The following SLC16A2 variants were observed in gnomAD, a reference collection of about 807,000 sequenced individuals.
SLC16A2 encodes the protein monocarboxylate transporter 8.
SLC16A2 carries 3 observed loss-of-function variants against 27.2 expected under a neutral mutation model. The observed-to-expected ratio is 0.11, with a 90% CI of 0.05 to 0.28. SLC16A2 has a LOEUF of 0.28. Ranked by LOEUF, SLC16A2 falls within the 10% of genes least tolerant of loss-of-function variation. The probability of loss-of-function intolerance (pLI) is 1.00; values close to 1 mark genes in which losing one functional copy is unlikely to be tolerated. For missense variants in SLC16A2, 295 were observed against 458.5 expected, an observed-to-expected ratio of 0.64 and a Z score of 3.26; for synonymous variants, 202 against 187.8, an observed-to-expected ratio of 1.08 and a Z score of -0.62.
At chrX:74,440,454 T>C (rs951402618) in intron 1 of SLC16A2, among the ~76,000 whole-genome samples, 1 of 108,426 alleles carries the variant, frequency 9.2e-6, no homozygotes, top group African/African-American at 3.4e-5. Context: ...CAGTAGAGAG[T>C]AGGGCAGGGA....
At chrX:74,477,508 C>G (rs1002254996) in intron 1 of SLC16A2, among the ~76,000 whole-genome samples, 1 of 111,519 alleles carries the variant, frequency 9.0e-6, no homozygotes, top group Non-Finnish European at 1.9e-5. Context: ...TTAGTTATAT[C>G]TTGCCTTCTG....
intron 1 of SLC16A2, among the ~76,000 whole-genome samples, chrX:74,439,622 C>G (rs1367835620): frequency 9.3e-6 from 1 of 107,909 alleles, no homozygotes; most frequent in Non-Finnish European, 1.9e-5. Context: ...CTTTCTCTCT[C>G]TCTCTTTTCC....
intron 1 of SLC16A2, among the ~76,000 whole-genome samples, chrX:74,472,754 A>G (rs1193598217): frequency 2.8e-5 from 3 of 106,649 alleles, no homozygotes; most frequent in Non-Finnish European, 5.8e-5. Flanking sequence ...AAAAAAAAAA[A>G]CAACCTACAT....
chrX:74,448,879 A>G (rs1294067026), intron 1 of SLC16A2, among the ~76,000 whole-genome samples: 1 of 111,085 alleles, frequency 9.0e-6, no homozygotes, highest in Non-Finnish European at 1.9e-5. Context: ...ACATGCTTTG[A>G]AAAATGCCTC....
chrX:74,443,578 G>A (rs917059811), intron 1 of SLC16A2, among the ~76,000 whole-genome samples: 2 of 112,454 alleles, frequency 1.8e-5, no homozygotes, highest in Non-Finnish European at 1.9e-5. Context: ...GGTACTTTCT[G>A]TAACAGTATC....
intron 4 of SLC16A2, among the ~76,000 whole-genome samples, chrX:74,527,779 C>A (rs1930507744): frequency 8.9e-6 from 1 of 112,433 alleles, no homozygotes; most frequent in Admixed American, 9.4e-5. Context: ...AATACTTAGA[C>A]CTGATTAAAA....
chrX:74,483,674 G>A (rs1929665086), intron 1 of SLC16A2, among the ~76,000 whole-genome samples: 1 of 111,721 alleles, frequency 9.0e-6, no homozygotes, highest in Admixed American at 9.4e-5. Context: ...TAGAGGTAGG[G>A]AGAGAAGCTT....
chrX:74,472,670 C>CT (rs1345395525), intron 1 of SLC16A2, among the ~76,000 whole-genome samples: 35 of 105,582 alleles, frequency 3.3e-4, no homozygotes, highest in South Asian at 4.2e-4. Context: ...CTTCTTTCTT[C>CT]TTTTTTTTTA....
chrX:74,499,104 C>T (rs1929985185), intron 1 of SLC16A2, among the ~76,000 whole-genome samples: 2 of 112,361 alleles, frequency 1.8e-5, no homozygotes, highest in South Asian at 3.7e-4. Context: ...AAGTCCTCTT[C>T]TTGGCTGTAT....
intron 1 of SLC16A2, among the ~76,000 whole-genome samples, chrX:74,483,628 T>G (rs1304642275): frequency 1.8e-5 from 2 of 111,410 alleles, no homozygotes. Flanking sequence ...TCATCTCACC[T>G]CATGGACAGA....
At chrX:74,472,510 T>C (rs919333327) in intron 1 of SLC16A2, among the ~76,000 whole-genome samples, 5 of 111,174 alleles carry the variant, frequency 4.5e-5, no homozygotes, top group Non-Finnish European at 5.7e-5. Context: ...TCACAGGAAA[T>C]ATAAAGGGGT....
rs1330704650 is a variant in SLC16A2 at position 74,491,636 on chromosome X, G to A, written c.431-29354G>A. The stretch of plus-strand genomic sequence containing the variant: ...ATTAAGTTCTAAAAGAGCCCTGGCT[G>A]AGGAGGAAGTCCATTCAGATGGTTG... On this transcript the variant is annotated intron_variant, in intron 1 of 5. Coordinates refer to ENST00000587091, the MANE Select transcript of SLC16A2 (RefSeq NM_006517.5). 3.6e-5 allele frequency among the ~76,000 whole-genome samples: 4 copies of A among 112,151 alleles called. No individual in the cohort carries two copies. In the Admixed American group the frequency reaches 3.8e-4, roughly 11 times the overall value.
chrX:74,482,249 C>T (rs1366082725), intron 1 of SLC16A2, among the ~76,000 whole-genome samples: 1 of 111,812 alleles, frequency 8.9e-6, no homozygotes, highest in East Asian at 2.8e-4. Context: ...TGGCTTCTGA[C>T]ATTTTGATGT....
intron 1 of SLC16A2, among the ~76,000 whole-genome samples, chrX:74,423,748 T>C (rs778895780): frequency 9.0e-6 from 1 of 111,282 alleles, no homozygotes; most frequent in African/African-American, 3.3e-5. Flanking sequence ...GCAGGCAGTG[T>C]AGGGACTCAT....
chrX:74,435,554 T>TG (rs1491092189), intron 1 of SLC16A2, among the ~76,000 whole-genome samples: 10 of 76,249 alleles, frequency 1.3e-4, no homozygotes, highest in African/African-American at 6.2e-4. Context: ...TATATATATA[T>TG]TTTTTTTTTT....
At chrX:74,429,645 C>A (rs1205804921) in intron 1 of SLC16A2, among the ~76,000 whole-genome samples, 1 of 111,830 alleles carries the variant, frequency 8.9e-6, no homozygotes, top group Non-Finnish European at 1.9e-5. Context: ...CCTCACCTAC[C>A]CGCTTATCCA....
chrX:74,440,818 G>GTC (rs1311528858), intron 1 of SLC16A2, among the ~76,000 whole-genome samples: 1 of 110,835 alleles, frequency 9.0e-6, no homozygotes, highest in Non-Finnish European at 1.9e-5. Flanking sequence ...GTGTGTGTGT[G>GTC]TGTGCACGCG....
chrX:74,509,330 C>A (rs914602537), intron 1 of SLC16A2, among the ~76,000 whole-genome samples: 29 of 111,755 alleles, frequency 2.6e-4, no homozygotes, highest in African/African-American at 8.8e-4. Context: ...ATAGGCTTTT[C>A]ATGGTTGCCC....
chrX:74,441,032 A>G (rs1928735667), intron 1 of SLC16A2, among the ~76,000 whole-genome samples: 1 of 107,041 alleles, frequency 9.3e-6, no homozygotes, highest in Non-Finnish European at 1.9e-5. Context: ...CAGTGGCGCC[A>G]TCTCGGCTCA....
Sources: allele counts gnomAD v4.1 joint callset (sites outside exome capture counted in the v4.1 genomes callset), GRCh38; gene constraint gnomAD v4.1.1; transcripts MANE v1.5; gene names NCBI Gene and HGNC (gene_info 2026-07-23, HGNC 2026-07-21).